PPFIA1: variants seen among roughly 807,000 people sequenced by gnomAD.
The protein encoded by PPFIA1 is PPFI scaffold protein A1, also known as liprin-alpha-1.
A neutral mutation model predicts 149.9 loss-of-function variants in PPFIA1; 25 were observed. The ratio of observed to expected loss-of-function variants is 0.17; its 90% CI spans 0.12 to 0.23. The LOEUF (loss-of-function observed/expected upper bound fraction) is 0.23, where lower values mean the gene tolerates loss of function less well. PPFIA1 is among the 10% of genes least tolerant of loss of function. The pLI, the probability that PPFIA1 is intolerant of heterozygous loss-of-function variation, is 1.00. For missense variants in PPFIA1, 1,362 were observed against 1,506.5 expected, an observed-to-expected ratio of 0.90 and a Z score of 1.59; for synonymous variants, 549 against 552.8, an observed-to-expected ratio of 0.99 and a Z score of 0.10.
At chr11:70,362,260 C>T (rs1212380350) in intron 20 of PPFIA1, 28 bp from the exon 21 acceptor site, 1 of 1,613,636 alleles carries the variant, frequency 6.2e-7, no homozygotes, top group East Asian at 2.2e-5. Flanking sequence ...CCTCACTGTG[C>T]TGCCTTCCTT....
chr11:70,370,151 A>G (rs2057159123), intron 21 of PPFIA1, among the ~76,000 whole-genome samples: 1 of 150,274 alleles, frequency 6.7e-6, no homozygotes, highest in South Asian at 2.1e-4. Context: ...AGGTTTCGCC[A>G]TGTTGGCCAG....
At chr11:70,364,727 GA>G (rs1207113401) in intron 21 of PPFIA1, 4 of 152,178 alleles carry the variant, frequency 2.6e-5, no homozygotes, top group African/African-American at 9.7e-5. Flanking sequence ...TGGCCTTGCT[GA>G]AAATGAAGGT....
intron 2 of PPFIA1, among the ~76,000 whole-genome samples, chr11:70,301,275 C>T (rs1015316500): frequency 3.3e-5 from 5 of 152,184 alleles, no homozygotes; most frequent in Non-Finnish European, 7.3e-5. Context: ...TGATGTGAGG[C>T]ATGTCTCTGC....
intron 12 of PPFIA1, among the ~76,000 whole-genome samples, chr11:70,338,134 T>G (rs1211721967): frequency 1.3e-5 from 2 of 152,250 alleles, no homozygotes; most frequent in Non-Finnish European, 1.5e-5. Context: ...CTGAAAAGCT[T>G]TTCTATGACT....
chr11:70,326,285 T>A lies in PPFIA1; in HGVS notation c.630T>A (p.Asn210Lys). Residue 210 changes from asparagine (N) to lysine (K), a missense_variant, in exon 6 of 28, where the codon AAT becomes AAA. By Grantham distance (94) the Asn-to-Lys change is moderately conservative. This residue lies in a region of PPFIA1 where 79 missense variants were observed against 146.2 expected (regional missense o/e 0.54). Transcript: ENST00000253925. ...AGCTAATGATTCTTAAAGAACAGAATAATCAGAAAAAAACTCTAACAGATG... is the reference window on the plus strand; with the variant it reads ...AGCTAATGATTCTTAAAGAACAGAAAAATCAGAAAAAAACTCTAACAGATG... ...HKELMILKEQ[N>K]NQKKTLTDGV... 6.2e-7 allele frequency: 1 copy of A among 1,604,270 alleles called. No individual in the cohort carries two copies. Among genetic ancestry groups the A allele is most frequent in the Non-Finnish European group, 8.5e-7 (1 of 1,173,518 alleles).
rs1339316028 is a variant in PPFIA1, at chr11:70,295,583, A to G, written c.264+23147A>G. Among the ~76,000 whole-genome samples the G allele has an allele frequency of 2.7e-3, 336 of 124,284 alleles. 13 individuals carry two copies. Among genetic ancestry groups the G allele is most frequent in the African/African-American group, 0.01 (313 of 31,126 alleles). The allele number at this position is 124,284 out of a possible 152,430, so 81.5% of individuals were successfully genotyped here. On this transcript the variant is annotated intron_variant, in intron 2 of 27. Coordinates refer to ENST00000253925, the MANE Select transcript of PPFIA1 (RefSeq NM_003626.5). ...GCTGACCCCCCCACCTCCCTCCCGG[A>G]TGGAGCGGCTGGCTGGGCAGAGGGG...
rs550344897 is a variant in PPFIA1, at chr11:70,293,490, A to G, written c.264+21054A>G. ...AACAATAGAGAAGCAAATAAAACCA[A>G]TGGCTTTGAAACATAATAGAGTCGC... On this transcript the variant is annotated intron_variant, in intron 2 of 27. Coordinates refer to ENST00000253925, the MANE Select transcript of PPFIA1 (RefSeq NM_003626.5). Among the ~76,000 whole-genome samples, 76 of 152,316 alleles carry G rather than the reference A, an allele frequency of 5.0e-4. 1 individual carries two copies. Among genetic ancestry groups the G allele is most frequent in the African/African-American group, 1.7e-3 (72 of 41,550 alleles).
At chr11:70,316,379 C>G (rs2053628166) in intron 2 of PPFIA1, among the ~76,000 whole-genome samples, 1 of 152,332 alleles carries the variant, frequency 6.6e-6, no homozygotes, top group Non-Finnish European at 1.5e-5. Flanking sequence ...GCCAATTTCC[C>G]TTCCTTTTTA....
In PPFIA1 at chr11:70,355,749, G is replaced by A; in HGVS notation, c.2426G>A (p.Arg809His). ...KKKGIKSSIG[R>H]LFGKKEKGRP... ...AAAGGCATTAAGTCCTCCATTGGCCGCTTGTTTGGCAAGAAAGAAAAGGGC... is the reference window on the plus strand; with the variant it reads ...AAAGGCATTAAGTCCTCCATTGGCCACTTGTTTGGCAAGAAAGAAAAGGGC... The change falls in exon 18 of 28, where the codon CGC becomes CAC. Residue 809 changes from arginine (R) to histidine (H), a missense_variant. This residue lies in a region of PPFIA1 where 2 missense variants were observed against 19.1 expected (regional missense o/e 0.10). Transcript: ENST00000253925. 1.2e-6 allele frequency: 2 copies of A among 1,614,026 alleles called. No individual in the cohort carries two copies. Among genetic ancestry groups the A allele is most frequent in the African/African-American group, 1.3e-5 (1 of 75,028 alleles).
intron 2 of PPFIA1, among the ~76,000 whole-genome samples, chr11:70,324,156 C>A (rs139332728): frequency 6.6e-6 from 1 of 152,354 alleles, no homozygotes; most frequent in East Asian, 1.9e-4. Context: ...TTGGATTCCC[C>A]TTCTTTCCCT....
chr11:70,293,704 C>T (rs2051695591), intron 2 of PPFIA1, among the ~76,000 whole-genome samples: 1 of 152,162 alleles, frequency 6.6e-6, no homozygotes, highest in South Asian at 2.1e-4. Context: ...TTAAAGCTTT[C>T]TGGAAGAAGC....
At chr11:70,330,585 C>G (rs539733999) in intron 8 of PPFIA1, among the ~76,000 whole-genome samples, 1 of 152,162 alleles carries the variant, frequency 6.6e-6, no homozygotes, top group Admixed American at 6.5e-5. Context: ...ACCAAAGGAG[C>G]AGAGAGTGGC....
At chr11:70,330,038 T>TATC in intron 7 of PPFIA1, 135 bp from the exon 8 acceptor site, 1 of 753,264 alleles carries the variant, frequency 1.3e-6, no homozygotes, top group Non-Finnish European at 2.1e-6. Context: ...TGAGCTGCTG[T>TATC]ATCTGGCCTG....
chr11:70,362,260 C>G (rs1212380350), intron 20 of PPFIA1, 28 bp from the exon 21 acceptor site: 1 of 1,613,638 alleles, frequency 6.2e-7, no homozygotes, highest in Admixed American at 1.7e-5. Flanking sequence ...CCTCACTGTG[C>G]TGCCTTCCTT....
At chr11:70,359,142 TG>T (rs2056509099) in intron 19 of PPFIA1, among the ~76,000 whole-genome samples, 1 of 152,210 alleles carries the variant, frequency 6.6e-6, no homozygotes, top group South Asian at 2.1e-4. Context: ...TTGCCCAGGC[TG>T]AAGTGCAGTG....
At chr11:70,353,513 A>T (rs906222906) in intron 16 of PPFIA1, among the ~76,000 whole-genome samples, 3 of 152,234 alleles carry the variant, frequency 2.0e-5, no homozygotes, top group Non-Finnish European at 4.4e-5. Context: ...GGATCTGCCT[A>T]GACCCTGCAG....
At chr11:70,299,557 T>G (rs1441994736) in intron 2 of PPFIA1, among the ~76,000 whole-genome samples, 2 of 152,136 alleles carry the variant, frequency 1.3e-5, no homozygotes, top group African/African-American at 4.8e-5. Context: ...GGGGTCTTCT[T>G]CCCTTCTGGA....
chr11:70,382,361 CTTTT>C (rs1175713192), intron 27 of PPFIA1, among the ~76,000 whole-genome samples: 2 of 152,030 alleles, frequency 1.3e-5, no homozygotes, highest in Admixed American at 6.5e-5. Flanking sequence ...AGTGTGTCCT[CTTTT>C]TTTAAGGAAA....
intron 9 of PPFIA1, among the ~76,000 whole-genome samples, 197 bp downstream of exon 9, chr11:70,332,291 C>A (rs1408562493): frequency 6.6e-6 from 1 of 152,080 alleles, no homozygotes; most frequent in African/African-American, 2.4e-5. Flanking sequence ...CGAAGTCTAC[C>A]TTGGTTTTGT....
Sources: gnomAD v4.1 joint callset for allele counts (sites outside exome capture counted in the v4.1 genomes callset) on GRCh38, gnomAD v4.1.1 for gene constraint, gnomAD v4.1.1 regional missense constraint, MANE v1.5 for transcripts, NCBI Gene and HGNC (gene_info 2026-07-23, HGNC 2026-07-21) for gene names.